The following ACVR2B variants were observed in gnomAD, a reference collection of about 807,000 sequenced individuals.
ACVR2B encodes the protein activin receptor type-2B.
A neutral mutation model predicts 65.1 loss-of-function variants in ACVR2B; 18 were observed. That is an observed-to-expected ratio of 0.28 (90% confidence interval 0.19 to 0.41). The LOEUF is 0.41. Ranked by LOEUF, ACVR2B falls within the 10% of genes least tolerant of loss-of-function variation. ACVR2B has a pLI of 1.00. For synonymous variants in ACVR2B, 298 were observed against 277.7 expected, an observed-to-expected ratio of 1.07 and a Z score of -0.73; for missense variants, 482 against 682.7, an observed-to-expected ratio of 0.71 and a Z score of 3.28.
chr3:38,461,099 A>G lies in ACVR2B; in HGVS notation c.52+6725A>G, dbSNP rs528170447. 2.6e-5 allele frequency among the ~76,000 whole-genome samples: 4 copies of G among 152,316 alleles called. 1 individual carries two copies. The South Asian group carries it at 8.3e-4, about 32-fold the overall frequency. On this transcript the variant is annotated intron_variant, in intron 1 of 10. Coordinates refer to ENST00000352511, the MANE Select transcript of ACVR2B (RefSeq NM_001106.4). ...GCTGACTCTCTCGAGTGTTGATGCCAGGATATTTTTTCCTTCTGGCTTGTG... is the reference window on the plus strand; with the variant it reads ...GCTGACTCTCTCGAGTGTTGATGCCGGGATATTTTTTCCTTCTGGCTTGTG...
At chr3:38,478,592 G>T in intron 5 of ACVR2B, 74 bp downstream of exon 5, 1 of 1,603,198 alleles carries the variant, frequency 6.2e-7, no homozygotes, top group Middle Eastern at 1.9e-4. Flanking sequence ...CCTGACCTGG[G>T]GCAATCCAAA....
chr3:38,461,873 G>C (rs1298248386), intron 1 of ACVR2B, among the ~76,000 whole-genome samples: 1 of 152,096 alleles, frequency 6.6e-6, no homozygotes, highest in African/African-American at 2.4e-5. Flanking sequence ...TTTTACTTGT[G>C]CATCTATAGA....
At position 38,491,314 on chromosome 3, in the gene ACVR2B, G is replaced by A. The variant is rs181932847; in HGVS notation, c.*7982G>A. On this transcript the variant is annotated 3_prime_UTR_variant, in exon 11 of 11. Coordinates refer to ENST00000352511, the MANE Select transcript of ACVR2B (RefSeq NM_001106.4). ...TGGTAACTCAGCTATACGAGCATGG[G>A]CTACCTTCCTGGGCTCTCCTGCAGT... is the stretch of plus-strand genomic sequence containing the variant. The A allele has an allele frequency of 6.5e-6, 1 of 152,764 alleles. No individual in the cohort carries two copies. The highest frequency in any genetic ancestry group is 1.5e-5 in the Non-Finnish European group (1 of 68,024). The allele number at this position is 152,764 out of a possible 1,614,324, so 9.5% of individuals were successfully genotyped here. A position where few individuals can be genotyped will look rare whatever the true frequency, so the allele number is the denominator to read the frequency against.
intron 8 of ACVR2B, 140 bp from the exon 9 acceptor site, chr3:38,482,058 G>A (rs1447522939): frequency 5.7e-6 from 6 of 1,044,794 alleles, no homozygotes; most frequent in Admixed American, 1.8e-5. Flanking sequence ...GTGGTGAATC[G>A]AGGTTTGCTA....
At position 38,483,046 on chromosome 3, in the gene ACVR2B, C is replaced by T. The variant is rs978855275; in HGVS notation, c.1345-92C>T. On this transcript the variant is annotated intron_variant, in intron 10 of 10. Transcript: ENST00000352511. The surrounding 1 kb of genome is among the most constrained non-coding windows in gnomAD (Gnocchi z 4.8). The stretch of plus-strand genomic sequence containing the variant: ...TGGGGCTGGTGGGCTCTGCCTGATC[C>T]TTGGGAATATCAAGTTTACTGTCCC... 6.8e-7 allele frequency: 1 copy of T among 1,474,160 alleles called. No homozygotes were observed. The highest frequency in any genetic ancestry group is 1.1e-5 in the South Asian group (1 of 87,914). 91.3% of individuals were successfully genotyped at this position (1,474,160 alleles called of 1,614,324 possible).
rs1357914146 is a variant in ACVR2B at position 38,487,297 on chromosome 3, T to A, written c.*3965T>A. On this transcript the variant is annotated 3_prime_UTR_variant, in exon 11 of 11. Transcript: ENST00000352511. ...ACATCTTCAGGAGGATAGAGACTCT[T>A]GCTCACATATTCTTAGCAAAGGGAA... The A allele has an allele frequency of 6.6e-6, 1 of 152,216 alleles. No individual in the cohort carries two copies. Among genetic ancestry groups the A allele is most frequent in the Non-Finnish European group, 1.5e-5 (1 of 68,054 alleles). The allele number at this position is 152,216 out of a possible 1,614,324, so 9.4% of individuals were successfully genotyped here.
intron 1 of ACVR2B, among the ~76,000 whole-genome samples, chr3:38,456,362 G>T (rs1373986542): frequency 6.6e-6 from 1 of 152,172 alleles, no homozygotes; most frequent in Non-Finnish European, 1.5e-5. Context: ...TTGCTGTTTG[G>T]AATAACCCCC....
At chr3:38,468,717 A>G (rs1035936868) in intron 1 of ACVR2B, among the ~76,000 whole-genome samples, 1 of 152,152 alleles carries the variant, frequency 6.6e-6, no homozygotes, top group African/African-American at 2.4e-5. Context: ...TCCAGAGCCA[A>G]CTTAGGAGTC....
In ACVR2B at chr3:38,454,200, G is replaced by A. The variant is rs1709500483; in HGVS notation, c.-123G>A. The A allele has an allele frequency of 1.4e-6, 1 of 705,064 alleles. No individual in the cohort carries two copies. Among genetic ancestry groups the A allele is most frequent in the South Asian group, 5.6e-5 (1 of 17,736 alleles). The allele number at this position is 705,064 out of a possible 1,614,324, so 43.7% of individuals were successfully genotyped here. ...GGACGAAGGCGCAGGAAGCGCGCAG[G>A]GAACGAGACCGAAGGAAGGAGCGGG... On this transcript the variant is annotated 5_prime_UTR_variant, in exon 1 of 11. Coordinates refer to ENST00000352511, the MANE Select transcript of ACVR2B (RefSeq NM_001106.4).
chr3:38,456,047 G>A (rs891710343), intron 1 of ACVR2B, among the ~76,000 whole-genome samples: 1 of 152,158 alleles, frequency 6.6e-6, no homozygotes, highest in African/African-American at 2.4e-5. Flanking sequence ...TCCTTAGGCA[G>A]GGCAGGGCGG....
chr3:38,479,413 C>T (rs1709977317), intron 6 of ACVR2B, 142 bp downstream of exon 6: 4 of 1,315,274 alleles, frequency 3.0e-6, no homozygotes, highest in South Asian at 1.2e-5. Flanking sequence ...TATGGGGTTA[C>T]TCCTGCCATA....
Position 38,483,102 on chromosome 3 carries a change from C to A in ACVR2B, c.1345-36C>A. On this transcript the variant is annotated intron_variant, in intron 10 of 10. Transcript: ENST00000352511. The surrounding 1 kb of genome is among the most constrained non-coding windows in gnomAD (Gnocchi z 4.8). ...GCTTTTCCTCACTGAAGGGTCCTAA[C>A]AAAGGTGTCTTTCCTGTCTGCCCTA... The A allele has an allele frequency of 6.2e-7, 1 of 1,612,680 alleles. No individual in the cohort carries two copies. The highest frequency in any genetic ancestry group is 8.5e-7 in the Non-Finnish European group (1 of 1,178,798).
In ACVR2B at chr3:38,485,382, A is replaced by T. The variant is rs1429131385; in HGVS notation, c.*2050A>T. 1.3e-5 allele frequency: 2 copies of T among 152,246 alleles called. No homozygotes were observed. The highest frequency in any genetic ancestry group is 2.9e-5 in the Non-Finnish European group (2 of 68,074). The allele number at this position is 152,246 out of a possible 1,614,324, so 9.4% of individuals were successfully genotyped here. A position where few individuals can be genotyped will look rare whatever the true frequency, so the allele number is the denominator to read the frequency against. ...GCCTCTGTGAAGCACACCGTGACTC[A>T]GGCCAGTCTTTTAGTGCAGCGTGTC... On this transcript the variant is annotated 3_prime_UTR_variant, in exon 11 of 11. Transcript: ENST00000352511.
intron 1 of ACVR2B, among the ~76,000 whole-genome samples, chr3:38,463,211 G>C (rs1559647093): frequency 6.6e-6 from 1 of 152,170 alleles, no homozygotes; most frequent in African/African-American, 2.4e-5. Context: ...AAGTGCATAT[G>C]TATGTTCACT....
At chr3:38,459,830 C>A (rs149574764) in intron 1 of ACVR2B, 5 of 232,604 alleles carry the variant, frequency 2.1e-5, no homozygotes, top group Middle Eastern at 2.2e-3. Context: ...CCTGGTGGAG[C>A]GGTTGGTATC....
At chr3:38,466,045 C>G (rs954403860) in intron 1 of ACVR2B, among the ~76,000 whole-genome samples, 2 of 152,194 alleles carry the variant, frequency 1.3e-5, no homozygotes, top group Non-Finnish European at 2.9e-5. Context: ...GCCTAAAATT[C>G]TGTATCAAGT....
chr3:38,483,395 G>C lies in ACVR2B; in HGVS notation c.*63G>C. 6.3e-7 allele frequency: 1 copy of C among 1,580,962 alleles called. No homozygotes were observed. Among genetic ancestry groups the C allele is most frequent in the East Asian group, 2.2e-5 (1 of 44,624 alleles). ...TGAAGAAAAAAGGAAAAAAAGTTGT[G>C]TTTTGTTTTGGAAATCCCATAAAAC... On this transcript the variant is annotated 3_prime_UTR_variant, in exon 11 of 11. Coordinates refer to ENST00000352511, the MANE Select transcript of ACVR2B (RefSeq NM_001106.4). The surrounding 1 kb of genome is among the most constrained non-coding windows in gnomAD (Gnocchi z 4.8).
At position 38,477,865 on chromosome 3, in the gene ACVR2B, G is replaced by C. The variant is rs1002137037; in HGVS notation, c.265G>C (p.Glu89Gln). 2 of 1,614,100 alleles carry C rather than the reference G, an allele frequency of 1.2e-6. No individual in the cohort carries two copies. Among genetic ancestry groups the C allele is most frequent in the Non-Finnish European group, 1.7e-6 (2 of 1,179,992 alleles). ...LDDFNCYDRQ[E>Q]CVATEENPQV... Reference sequence around the variant, plus strand: ...TGGAAAATTCTGTGCCTCCAGGCAGGAGTGTGTGGCCACTGAGGAGAACCC... The same window carrying C: ...TGGAAAATTCTGTGCCTCCAGGCAGCAGTGTGTGGCCACTGAGGAGAACCC... The change falls in exon 3 of 11, where the codon GAG becomes CAG. Residue 89 changes from glutamate (E) to glutamine (Q), a missense_variant. Around this residue, in one of 5 missense-constraint regions of ACVR2B, gnomAD observed 85 missense variants for 137.3 expected, o/e 0.62. Transcript: ENST00000352511. The surrounding 1 kb of genome is among the most constrained non-coding windows in gnomAD (Gnocchi z 6.7).
At position 38,479,212 on chromosome 3, in the gene ACVR2B, G is replaced by A. The variant is rs760321356; in HGVS notation, c.751G>A (p.Glu251Lys). 3 of 1,614,180 alleles carry A rather than the reference G, an allele frequency of 1.9e-6. No individual in the cohort carries two copies. The highest frequency in any genetic ancestry group is 1.7e-6 in the Non-Finnish European group (2 of 1,180,024). The part of the protein sequence containing the change: ...HENLLQFIAA[E>K]KRGSNLEVEL... ...GAACCTGCTACAGTTCATTGCTGCC[G>A]AGAAGCGAGGCTCCAACCTCGAAGT... The change falls in exon 6 of 11, where the codon GAG (glutamate) becomes AAG (lysine). Residue 251 changes from glutamate (E) to lysine (K), a missense_variant. Glu to Lys is a moderately conservative substitution (Grantham distance 56). This residue lies in a region of ACVR2B where 223 missense variants were observed against 386.3 expected (regional missense o/e 0.58). Transcript: ENST00000352511.
Sources: allele counts gnomAD v4.1 joint callset (sites outside exome capture counted in the v4.1 genomes callset), GRCh38; gene constraint gnomAD v4.1.1; regional missense constraint gnomAD v4.1.1; non-coding constraint Gnocchi (gnomAD v3.1); transcripts MANE v1.5; gene names NCBI Gene and HGNC (gene_info 2026-07-23, HGNC 2026-07-21).